PLCB1: variants seen among roughly 807,000 people sequenced by gnomAD.
PLCB1 encodes 1-phosphatidylinositol 4,5-bisphosphate phosphodiesterase beta-1.
A neutral mutation model predicts 161.8 loss-of-function variants in PLCB1; 46 were observed. That is an observed-to-expected ratio of 0.28 (90% CI 0.22 to 0.36). PLCB1 has a LOEUF of 0.36. PLCB1 is among the 10% of genes least tolerant of loss of function. PLCB1 has a pLI of 1.00. For synonymous variants in PLCB1, 517 were observed against 503.7 expected (o/e 1.03, Z -0.35); for missense variants, 1,016 against 1,472.5 (o/e 0.69, Z 5.07).
chr20:8,644,142 C>G (rs1431074462), intron 4 of PLCB1, among the ~76,000 whole-genome samples: 1 of 152,216 alleles, frequency 6.6e-6, no homozygotes, highest in Non-Finnish European at 1.5e-5. Context: ...TCTCGGCTCG[C>G]TACAACATCC....
intron 2 of PLCB1, among the ~76,000 whole-genome samples, chr20:8,323,126 T>C (rs1415191705): frequency 6.6e-6 from 1 of 152,160 alleles, no homozygotes; most frequent in Non-Finnish European, 1.5e-5. Context: ...TAAACTTGAT[T>C]ATATGCACAG....
chr20:8,483,337 C>T (rs1439164492), intron 3 of PLCB1, among the ~76,000 whole-genome samples: 1 of 152,134 alleles, frequency 6.6e-6, no homozygotes, highest in African/African-American at 2.4e-5. Flanking sequence ...CTCCCACATA[C>T]CTTATAAATG....
chr20:8,637,902 A>G (rs1283021544), intron 4 of PLCB1, among the ~76,000 whole-genome samples: 2 of 152,118 alleles, frequency 1.3e-5, no homozygotes, highest in Non-Finnish European at 2.9e-5. Flanking sequence ...TTATTTATTG[A>G]TTTATTTTTG....
intron 9 of PLCB1, among the ~76,000 whole-genome samples, chr20:8,681,107 T>TAAA (rs1305304573): frequency 1.8e-5 from 2 of 110,134 alleles, no homozygotes; most frequent in African/African-American, 8.2e-5. Flanking sequence ...TATATATATA[T>TAAA]ATATATATAT....
rs1025117396 is a variant in PLCB1 at position 8,233,622 on chromosome 20, A to G, written c.177+83251A>G. Among the ~76,000 whole-genome samples, 6 of 152,144 alleles carry G rather than the reference A, an allele frequency of 3.9e-5. No homozygotes were observed. In the East Asian group the frequency reaches 5.8e-4, roughly 15 times the overall value. On this transcript the variant is annotated intron_variant, in intron 2 of 31. Coordinates refer to ENST00000338037, the MANE Select transcript of PLCB1 (RefSeq NM_015192.4). ...TAGCTCAGTGAGTTTTTACAAGATG[A>G]GCACATCCCTGTAACCAGCAGTCTG...
chr20:8,560,689 G>T (rs1986113737), intron 3 of PLCB1, among the ~76,000 whole-genome samples: 1 of 151,886 alleles, frequency 6.6e-6, no homozygotes, highest in African/African-American at 2.4e-5. Context: ...TTATCAAGAA[G>T]CAGACAGGAA....
chr20:8,135,097 A>G (rs993199982), intron 1 of PLCB1, among the ~76,000 whole-genome samples: 8 of 152,126 alleles, frequency 5.3e-5, no homozygotes, highest in Non-Finnish European at 1.2e-4. Flanking sequence ...CTGGCTATTT[A>G]TATTGTACCT....
At chr20:8,777,038 G>A (rs1327374447) in intron 27 of PLCB1, among the ~76,000 whole-genome samples, 1 of 152,106 alleles carries the variant, frequency 6.6e-6, no homozygotes, top group Non-Finnish European at 1.5e-5. Flanking sequence ...CAGAAGGATT[G>A]GCATGCAAAG....
At chr20:8,717,905 T>A in intron 14 of PLCB1, 57 bp downstream of exon 14, 2 of 1,525,634 alleles carry the variant, frequency 1.3e-6, no homozygotes, top group South Asian at 1.3e-5. Flanking sequence ...GAATTGCTGC[T>A]CTGGGCTGTG....
chr20:8,633,073 TAAA>T (rs375963042), intron 4 of PLCB1, among the ~76,000 whole-genome samples: 1 of 142,634 alleles, frequency 7.0e-6, no homozygotes, highest in Non-Finnish European at 1.5e-5. Context: ...GTGGAGGAAA[TAAA>T]AAGGAATCCA....
chr20:8,362,246 T>C (rs1486699997), intron 2 of PLCB1, among the ~76,000 whole-genome samples: 2 of 152,138 alleles, frequency 1.3e-5, no homozygotes, highest in African/African-American at 4.8e-5. Context: ...TTATCCATGG[T>C]GATTATGGAA....
chr20:8,239,073 A>G (rs1430278557), intron 2 of PLCB1, among the ~76,000 whole-genome samples: 2 of 151,988 alleles, frequency 1.3e-5, no homozygotes, highest in African/African-American at 4.8e-5. Context: ...GAGTAAACAG[A>G]AAGAACCCTA....
intron 15 of PLCB1, among the ~76,000 whole-genome samples, chr20:8,723,553 C>A (rs1204717957): frequency 6.6e-6 from 1 of 152,170 alleles, no homozygotes; most frequent in African/African-American, 2.4e-5. Flanking sequence ...TATGTCATAG[C>A]TAATAATAGC....
intron 20 of PLCB1, among the ~76,000 whole-genome samples, chr20:8,738,507 T>C (rs1203972249): frequency 1.3e-5 from 2 of 152,138 alleles, no homozygotes; most frequent in African/African-American, 2.4e-5. Flanking sequence ...GTAACTAACC[T>C]GCACATTGTG....
chr20:8,603,634 C>T (rs889140023), intron 3 of PLCB1, among the ~76,000 whole-genome samples: 6 of 152,238 alleles, frequency 3.9e-5, no homozygotes, highest in Non-Finnish European at 8.8e-5. Flanking sequence ...GGCCTTGCCT[C>T]ACCGAATCAG....
chr20:8,332,935 G>A (rs185003625), intron 2 of PLCB1, among the ~76,000 whole-genome samples: 5 of 152,322 alleles, frequency 3.3e-5, no homozygotes, highest in Admixed American at 3.3e-4. Flanking sequence ...TTTGGAAGGT[G>A]CATAGCTGTG....
chr20:8,373,679 A>G (rs567412698), intron 3 of PLCB1, among the ~76,000 whole-genome samples: 1 of 152,294 alleles, frequency 6.6e-6, no homozygotes, highest in South Asian at 2.1e-4. Context: ...ATATTAGCCA[A>G]TATTGTTGGT....
chr20:8,366,813 C>T (rs551413143), intron 2 of PLCB1, among the ~76,000 whole-genome samples: 1 of 151,220 alleles, frequency 6.6e-6, no homozygotes, highest in East Asian at 1.9e-4. Flanking sequence ...GTACATGCCT[C>T]CTTTAATGAT....
chr20:8,798,791 C>T (rs142100855), intron 31 of PLCB1, among the ~76,000 whole-genome samples: 1 of 152,314 alleles, frequency 6.6e-6, no homozygotes, highest in African/African-American at 2.4e-5. Flanking sequence ...CCCACAATAG[C>T]TGGAAACATA....
Sources: allele counts gnomAD v4.1 joint callset (sites outside exome capture counted in the v4.1 genomes callset), GRCh38; gene constraint gnomAD v4.1.1; transcripts MANE v1.5; gene names NCBI Gene and HGNC (gene_info 2026-07-23, HGNC 2026-07-21).